KLHDC2: variants seen among roughly 807,000 people sequenced by gnomAD.
The protein encoded by KLHDC2 is kelch domain-containing protein 2.
In KLHDC2, 38 loss-of-function variants were observed where a neutral mutation model predicts 62.3. That is an observed-to-expected ratio of 0.61 (90% confidence interval 0.47 to 0.80). KLHDC2 has a LOEUF of 0.80. KLHDC2 is among the 30% of genes least tolerant of loss of function. The pLI is 0.00. For missense variants in KLHDC2, 430 were observed against 495.3 expected, an observed-to-expected ratio of 0.87 and a Z score of 1.25; for synonymous variants, 159 against 161.0, an observed-to-expected ratio of 0.99 and a Z score of 0.09.
At chr14:49,770,577 T>C (rs1164581553) in intron 1 of KLHDC2, among the ~76,000 whole-genome samples, 1 of 152,242 alleles carries the variant, frequency 6.6e-6, no homozygotes, top group Non-Finnish European at 1.5e-5. Flanking sequence ...GCTGGGAATG[T>C]CAGGCAGTTG....
Position 49,785,535 on chromosome 14 carries a change from C to A in KLHDC2, c.*2582C>A. Reference sequence around the variant, plus strand: ...TCTTTACTACTTAATTTTTGCCTAGCATAATAAGTAATGAGAACAATAATT... The same window carrying A: ...TCTTTACTACTTAATTTTTGCCTAGAATAATAAGTAATGAGAACAATAATT... On this transcript the variant is annotated 3_prime_UTR_variant, in exon 13 of 13. Transcript: ENST00000298307. 2.1e-6 allele frequency: 1 copy of A among 475,920 alleles called. No homozygotes were observed. Among genetic ancestry groups the A allele is most frequent in the Non-Finnish European group, 3.8e-6 (1 of 261,268 alleles). The allele number at this position is 475,920 out of a possible 1,614,324, so 29.5% of individuals were successfully genotyped here.
chr14:49,779,291 GATA>G (rs1282397344), intron 6 of KLHDC2, among the ~76,000 whole-genome samples: 4 of 152,110 alleles, frequency 2.6e-5, no homozygotes, highest in Non-Finnish European at 5.9e-5. Flanking sequence ...CTCTGACACA[GATA>G]ATTATATTTC....
chr14:49,771,941 A>C (rs1339533175), intron 2 of KLHDC2, among the ~76,000 whole-genome samples: 1 of 152,222 alleles, frequency 6.6e-6, no homozygotes, highest in Non-Finnish European at 1.5e-5. Context: ...CAGTGAGCTG[A>C]GATCGAGCCA....
chr14:49,780,786 G>A lies in KLHDC2; in HGVS notation c.956+11G>A, dbSNP rs1889879893. ...TACCGAAAAACCAAGGTATTTAAAA[G>A]CAATTCATATACTGAATATGCATAA... On this transcript the variant is annotated intron_variant, in intron 10 of 12. Coordinates refer to ENST00000298307, the MANE Select transcript of KLHDC2 (RefSeq NM_014315.3). 7.1e-7 allele frequency: 1 copy of A among 1,400,858 alleles called. No individual in the cohort carries two copies. The highest frequency in any genetic ancestry group is 1.0e-6 in the Non-Finnish European group (1 of 985,688). 86.8% of individuals were successfully genotyped at this position (1,400,858 alleles called of 1,614,324 possible). A position where few individuals can be genotyped will look rare whatever the true frequency, so the allele number is the denominator to read the frequency against.
At position 49,783,678 on chromosome 14, in the gene KLHDC2, GA is replaced by G. The variant is rs1161056115; in HGVS notation, c.*726del. 6 of 151,894 alleles carry G rather than the reference GA, an allele frequency of 4.0e-5. No homozygotes were observed. Among genetic ancestry groups the G allele is most frequent in the Admixed American group, 6.6e-5 (1 of 15,254 alleles). 9.4% of individuals were successfully genotyped at this position (151,894 alleles called of 1,614,324 possible). A position where few individuals can be genotyped will look rare whatever the true frequency, so the allele number is the denominator to read the frequency against. ...ATGCGCTTCTGGTATTATAGGTTAA[GA>G]TACTCTAACGTGCTATATTGGTAAT... On this transcript the variant is annotated 3_prime_UTR_variant, in exon 13 of 13. Transcript: ENST00000298307.
At chr14:49,773,025 GT>G (rs998251056) in intron 2 of KLHDC2, among the ~76,000 whole-genome samples, 1 of 152,128 alleles carries the variant, frequency 6.6e-6, no homozygotes, top group African/African-American at 2.4e-5. Flanking sequence ...TAACAAATTG[GT>G]GTTAATATGA....
chr14:49,770,664 T>C (rs1009539450), intron 1 of KLHDC2, among the ~76,000 whole-genome samples: 4 of 152,206 alleles, frequency 2.6e-5, no homozygotes, highest in African/African-American at 9.7e-5. Context: ...ACTTAAACTC[T>C]AAACTTGTTT....
chr14:49,784,931 G>C lies in KLHDC2; in HGVS notation c.*1978G>C. The stretch of plus-strand genomic sequence containing the variant: ...TTCTGAAGGAGAACTTTACCTTTAC[G>C]CTGCGGAATAAGTCTTTTTCTCTTG... On this transcript the variant is annotated 3_prime_UTR_variant, in exon 13 of 13. Coordinates refer to ENST00000298307, the MANE Select transcript of KLHDC2 (RefSeq NM_014315.3). 1 of 1,612,726 alleles carries C rather than the reference G, an allele frequency of 6.2e-7. No individual in the cohort carries two copies. Among genetic ancestry groups the C allele is most frequent in the Non-Finnish European group, 8.5e-7 (1 of 1,179,030 alleles).
In KLHDC2 at chr14:49,777,912, C is replaced by A; in HGVS notation, c.425C>A (p.Pro142Gln). The A allele has an allele frequency of 6.2e-7, 1 of 1,612,336 alleles. No homozygotes were observed. The highest frequency in any genetic ancestry group is 1.1e-5 in the South Asian group (1 of 90,930). Reference sequence around the variant, plus strand: ...AGAATTGATTGCCAAGGAATTCCTCCATCATCAAAGGACAAACTTGGTGTC... The same window carrying A: ...AGAATTGATTGCCAAGGAATTCCTCAATCATCAAAGGACAAACTTGGTGTC... Reference protein sequence around the residue: ...WERIDCQGIPPSSKDKLGVWV... With the variant: ...WERIDCQGIPQSSKDKLGVWV... Residue 142 changes from proline to glutamine, a missense_variant, in exon 4 of 13, where the codon CCA (proline) becomes CAA (glutamine). Pro to Gln is a moderately conservative substitution (Grantham distance 76, BLOSUM62 -1). Coordinates refer to ENST00000298307, the MANE Select transcript of KLHDC2 (RefSeq NM_014315.3).
intron 1 of KLHDC2, among the ~76,000 whole-genome samples, chr14:49,770,993 G>A (rs1209831869): frequency 2.0e-5 from 3 of 152,216 alleles, no homozygotes; most frequent in Non-Finnish European, 2.9e-5. Flanking sequence ...GTCTCCTGAA[G>A]TCATGCAGCT....
chr14:49,773,978 C>T lies in KLHDC2; in HGVS notation c.234-583C>T, dbSNP rs988264003. On this transcript the variant is annotated intron_variant, in intron 2 of 12. Coordinates refer to ENST00000298307, the MANE Select transcript of KLHDC2 (RefSeq NM_014315.3). ...GTTTTAGCAGAAGACCTTGAGTATA[C>T]TATTAGAATTTTAAATCTTAGATTC... Among the ~76,000 whole-genome samples, 16 of 152,230 alleles carry T rather than the reference C, an allele frequency of 1.1e-4. No homozygotes were observed. The East Asian group carries it at 1.9e-3, about 18-fold the overall frequency.
intron 2 of KLHDC2, among the ~76,000 whole-genome samples, chr14:49,772,016 C>G (rs1594698896): frequency 6.6e-6 from 1 of 151,990 alleles, no homozygotes; most frequent in Non-Finnish European, 1.5e-5. Context: ...GATATGGCTG[C>G]AAAGAAAAAA....
chr14:49,772,820 A>T (rs1029412517), intron 2 of KLHDC2, among the ~76,000 whole-genome samples: 12 of 152,060 alleles, frequency 7.9e-5, no homozygotes, highest in African/African-American at 2.9e-4. Context: ...GCCAGGCATG[A>T]TGGCAGGTGC....
intron 2 of KLHDC2, 76 bp from the exon 3 acceptor site, chr14:49,774,485 A>C (rs1889730334): frequency 1.1e-6 from 1 of 892,832 alleles, no homozygotes; most frequent in East Asian, 2.4e-5. Flanking sequence ...TGAGGATATA[A>C]GTAGAAGAAG....
intron 2 of KLHDC2, among the ~76,000 whole-genome samples, chr14:49,772,590 G>A (rs537186408): frequency 6.6e-6 from 1 of 152,336 alleles, no homozygotes; most frequent in South Asian, 2.1e-4. Context: ...TTTTCCCCAT[G>A]GTGTGCTTTG....
intron 3 of KLHDC2, among the ~76,000 whole-genome samples, chr14:49,775,848 A>C (rs1235108544): frequency 6.6e-6 from 1 of 152,048 alleles, no homozygotes; most frequent in Non-Finnish European, 1.5e-5. Context: ...GCTGGTCTTA[A>C]ACTCCTGACC....
intron 2 of KLHDC2, among the ~76,000 whole-genome samples, chr14:49,772,531 G>T (rs116809833): frequency 6.6e-6 from 1 of 152,286 alleles, no homozygotes; most frequent in South Asian, 2.1e-4. Context: ...TAGAATCAAG[G>T]TGTTTCTCAA....
intron 1 of KLHDC2, among the ~76,000 whole-genome samples, chr14:49,770,568 C>T (rs1181118770): frequency 6.6e-6 from 1 of 152,164 alleles, no homozygotes; most frequent in Non-Finnish European, 1.5e-5. Flanking sequence ...GGGTCAAAGG[C>T]TGGGAATGTC....
chr14:49,768,285 A>T lies in KLHDC2; in HGVS notation c.-184A>T. 1 of 590,586 alleles carries T rather than the reference A, an allele frequency of 1.7e-6. No individual in the cohort carries two copies. The highest frequency in any genetic ancestry group is 2.7e-6 in the Non-Finnish European group (1 of 365,144). The allele number at this position is 590,586 out of a possible 1,614,324, so 36.6% of individuals were successfully genotyped here. A position where few individuals can be genotyped will look rare whatever the true frequency, so the allele number is the denominator to read the frequency against. ...TGCAGGCGTGCCCCGGCGGCGGCGGAGAGCCGTCCTCGGCCGAGGAGGCTG... is the reference window on the plus strand; with the variant it reads ...TGCAGGCGTGCCCCGGCGGCGGCGGTGAGCCGTCCTCGGCCGAGGAGGCTG... On this transcript the variant is annotated 5_prime_UTR_variant, in exon 1 of 13. Coordinates refer to ENST00000298307, the MANE Select transcript of KLHDC2 (RefSeq NM_014315.3).
Sources: gnomAD v4.1 joint callset for allele counts (sites outside exome capture counted in the v4.1 genomes callset) on GRCh38, gnomAD v4.1.1 for gene constraint, MANE v1.5 for transcripts, NCBI Gene and HGNC (gene_info 2026-07-23, HGNC 2026-07-21) for gene names.